Variants in RP1L1 observed in about 807,000 individuals in gnomAD.
The protein encoded by RP1L1 is retinitis pigmentosa 1-like 1 protein.
Under a neutral mutation model 15.7 loss-of-function variants are expected in RP1L1, and 27 were observed. The observed-to-expected ratio is 1.72, with a 90% CI of 1.27 to 2.38. The LOEUF is 2.38. RP1L1 is among the 30% of genes most tolerant of loss of function. The probability of loss-of-function intolerance (pLI) is 0.00; values close to 1 mark genes in which losing one functional copy is unlikely to be tolerated. For synonymous variants in RP1L1, 1,813 were observed against 1,276.7 expected, an observed-to-expected ratio of 1.42 and a Z score of -8.96; for missense variants, 4,798 against 3,075.9, an observed-to-expected ratio of 1.56 and a Z score of -13.24.
At chr8:10,651,049 G>C (rs1398162404) in intron 1 of RP1L1, among the ~76,000 whole-genome samples, 1 of 152,242 alleles carries the variant, frequency 6.6e-6, no homozygotes, top group African/African-American at 2.4e-5. Flanking sequence ...TAATTTGTCT[G>C]ATTATTACCT....
chr8:10,645,127 G>A (rs1798457906), intron 1 of RP1L1, among the ~76,000 whole-genome samples: 1 of 152,106 alleles, frequency 6.6e-6, no homozygotes, highest in Admixed American at 6.5e-5. Context: ...AGGAGTTCGA[G>A]ACAAGTTCAA....
rs1466776145 is a variant in RP1L1 at position 10,610,990 on chromosome 8, G to A, written c.3108C>T (p.Pro1036=). Reference sequence around the variant, plus strand: ...CTTGGGGGACACCCTCTCCTGATTGGGGACCAGTGTCACTACTCCCCAGGA... The same window carrying A: ...CTTGGGGGACACCCTCTCCTGATTGAGGACCAGTGTCACTACTCCCCAGGA... ...GALLGSSDTG[P]QSGEGVPQGA... The change falls in exon 4 of 4, where the codon CCC becomes CCT. Residue 1036 remains proline, a synonymous_variant. Coordinates refer to ENST00000382483, the MANE Select transcript of RP1L1 (RefSeq NM_178857.6). 1 of 1,612,476 alleles carries A rather than the reference G, an allele frequency of 6.2e-7. No individual in the cohort carries two copies. The highest frequency in any genetic ancestry group is 8.5e-7 in the Non-Finnish European group (1 of 1,179,924).
At chr8:10,626,974 A>G (rs538794201) in intron 1 of RP1L1, among the ~76,000 whole-genome samples, 18 of 152,308 alleles carry the variant, frequency 1.2e-4, no homozygotes, top group African/African-American at 4.3e-4. Flanking sequence ...TAGAACGGCT[A>G]CTGTAAAAAC....
At chr8:10,620,764 G>A (rs750388575) in intron 2 of RP1L1, among the ~76,000 whole-genome samples, 1 of 152,182 alleles carries the variant, frequency 6.6e-6, no homozygotes, top group Non-Finnish European at 1.5e-5. Flanking sequence ...GGGAAATAGG[G>A]CTACTATTAC....
chr8:10,618,448 A>G (rs1053863946), intron 2 of RP1L1, among the ~76,000 whole-genome samples: 1 of 152,220 alleles, frequency 6.6e-6, no homozygotes, highest in Non-Finnish European at 1.5e-5. Context: ...CGGAGGATGC[A>G]GTGAGCTAAG....
rs779384018 is a variant in RP1L1 at position 10,610,768 on chromosome 8, C to A, written c.3330G>T (p.Arg1110Ser). The A allele has an allele frequency of 5.0e-6, 8 of 1,613,182 alleles. No homozygotes were observed. Among genetic ancestry groups the A allele is most frequent in the African/African-American group, 1.3e-5 (1 of 74,952 alleles). The change falls in exon 4 of 4, where the codon AGG (arginine) becomes AGT (serine). Residue 1110 changes from arginine to serine, a missense_variant. By Grantham distance (110) the Arg-to-Ser change is moderately radical. Transcript: ENST00000382483. ...TGAGGGCCCCGGCTGAGCAGCTGAG[C>A]CTCCTGGCCATGGGCCTAGACACTT... ...VPEVSRPMAR[R>S]LSCSAGALIT...
chr8:10,628,969 TCG>T (rs1798199438), intron 1 of RP1L1, among the ~76,000 whole-genome samples: 6 of 152,256 alleles, frequency 3.9e-5, no homozygotes, highest in Non-Finnish European at 7.3e-5. Context: ...ATGTGCAGCC[TCG>T]TCAGAGCTCC....
Position 10,609,151 on chromosome 8 carries a change from C to T in RP1L1, c.4947G>A (p.Glu1649=). ...GACAGAACTCCTCCCCCTCCGCCTC[C>T]TCGCCCAGCTGGCTCCCCAGGGCTG... ...LSTALGSQLG[E]EAEGEEFCPC... is the part of the protein sequence containing the mutation. The change falls in exon 4 of 4, where the codon GAG becomes GAA. Residue 1649 remains glutamate (E), a synonymous_variant. Coordinates refer to ENST00000382483, the MANE Select transcript of RP1L1 (RefSeq NM_178857.6). 1 of 1,613,190 alleles carries T rather than the reference C, an allele frequency of 6.2e-7. No individual in the cohort carries two copies. Among genetic ancestry groups the T allele is most frequent in the Non-Finnish European group, 8.5e-7 (1 of 1,179,682 alleles).
In RP1L1 at chr8:10,619,404, G is replaced by C. The variant is rs930879692; in HGVS notation, c.610-2817C>G. Among the ~76,000 whole-genome samples, 7 of 152,292 alleles carry C rather than the reference G, an allele frequency of 4.6e-5. No individual in the cohort carries two copies. In the East Asian group the frequency reaches 1.4e-3, roughly 29 times the overall value. ...ATCAAAAGATGCCCTCGTTGTTCTAGTACCCATCATCTTCCCATTTGGGAT... is the reference window on the plus strand; with the variant it reads ...ATCAAAAGATGCCCTCGTTGTTCTACTACCCATCATCTTCCCATTTGGGAT... On this transcript the variant is annotated intron_variant, in intron 2 of 3. Transcript: ENST00000382483.
chr8:10,613,724 T>C (rs1400197639), intron 3 of RP1L1, among the ~76,000 whole-genome samples: 3 of 151,510 alleles, frequency 2.0e-5, no homozygotes, highest in South Asian at 2.1e-4. Flanking sequence ...AGTCCCAGAG[T>C]TGGAGGCTGC....
chr8:10,652,740 G>A (rs1481633737), intron 1 of RP1L1, among the ~76,000 whole-genome samples: 1 of 151,696 alleles, frequency 6.6e-6, no homozygotes, highest in Non-Finnish European at 1.5e-5. Flanking sequence ...GAGGCTGGCC[G>A]GCTCTCCACT....
At chr8:10,629,246 G>T (rs1270551892) in intron 1 of RP1L1, among the ~76,000 whole-genome samples, 1 of 152,180 alleles carries the variant, frequency 6.6e-6, no homozygotes, top group Non-Finnish European at 1.5e-5. Flanking sequence ...TGGTGCTGGA[G>T]GTAGCTGCCA....
intron 1 of RP1L1, among the ~76,000 whole-genome samples, chr8:10,633,332 G>C (rs1798280648): frequency 6.6e-6 from 1 of 152,192 alleles, no homozygotes; most frequent in African/African-American, 2.4e-5. Flanking sequence ...CCCGAAATCA[G>C]AGGGCAAGAA....
chr8:10,611,866 G>T lies in RP1L1; in HGVS notation c.2232C>A (p.Val744=). Residue 744 remains valine (V), a synonymous_variant, in exon 4 of 4, where the codon GTC becomes GTA. Coordinates refer to ENST00000382483, the MANE Select transcript of RP1L1 (RefSeq NM_178857.6). Reference sequence around the variant, plus strand: ...AGACTCCAGAAACAAAATCCGAGTGGACTGCAGGGGTGACAGTGGCACTGC... The same window carrying T: ...AGACTCCAGAAACAAAATCCGAGTGTACTGCAGGGGTGACAGTGGCACTGC... ...GTSSATVTPA[V]HSDFVSGVSP... is the part of the protein sequence containing the mutation. 5 of 1,613,826 alleles carry T rather than the reference G, an allele frequency of 3.1e-6. No homozygotes were observed. Among genetic ancestry groups the T allele is most frequent in the Non-Finnish European group, 4.2e-6 (5 of 1,180,036 alleles).
intron 1 of RP1L1, among the ~76,000 whole-genome samples, chr8:10,648,568 T>G (rs1176411544): frequency 6.6e-6 from 1 of 152,094 alleles, no homozygotes; most frequent in Admixed American, 6.6e-5. Flanking sequence ...AAAATAAACA[T>G]CACGAGGAAC....
At chr8:10,626,955 T>G (rs1798168290) in intron 1 of RP1L1, among the ~76,000 whole-genome samples, 2 of 152,140 alleles carry the variant, frequency 1.3e-5, no homozygotes, top group African/African-American at 2.4e-5. Context: ...AGATGCCACC[T>G]CACACCATTA....
intron 1 of RP1L1, among the ~76,000 whole-genome samples, chr8:10,623,866 T>C (rs1373994296): frequency 6.6e-6 from 1 of 150,898 alleles, no homozygotes; most frequent in African/African-American, 2.4e-5. Context: ...TGACCACGTA[T>C]ATCCCCAGCA....
chr8:10,649,350 G>A (rs1038110063), intron 1 of RP1L1, among the ~76,000 whole-genome samples: 2 of 152,200 alleles, frequency 1.3e-5, no homozygotes, highest in Non-Finnish European at 2.9e-5. Flanking sequence ...TTCAATTTAG[G>A]AGGAAACACA....
rs769690517 is a variant in RP1L1, at chr8:10,622,725, G to C, written c.477C>G (p.Asn159Lys). The change falls in exon 2 of 4, where the codon AAC (asparagine) becomes AAG (lysine). Residue 159 changes from asparagine (N) to lysine (K), a missense_variant. Coordinates refer to ENST00000382483, the MANE Select transcript of RP1L1 (RefSeq NM_178857.6). The part of the protein sequence containing the change: ...KTPRRILLIK[N>K]MDPRLQQTVV... ...CTGTCTGCTGGAGGCGAGGGTCCAT[G>C]TTCTTAATCAGCAGTATCCTCCGGG... The C allele has an allele frequency of 3.7e-6, 6 of 1,614,182 alleles. No individual in the cohort carries two copies. The South Asian group carries it at 6.6e-5, about 18-fold the overall frequency.
Sources: gnomAD v4.1 joint callset for allele counts (sites outside exome capture counted in the v4.1 genomes callset) on GRCh38, gnomAD v4.1.1 for gene constraint, MANE v1.5 for transcripts, NCBI Gene and HGNC (gene_info 2026-07-23, HGNC 2026-07-21) for gene names.